NAP1L1: variants seen among roughly 807,000 people sequenced by gnomAD.
NAP1L1 encodes nucleosome assembly protein 1 like 1.
NAP1L1 carries 9 observed loss-of-function variants against 58.9 expected under a neutral mutation model. That is an observed-to-expected ratio of 0.15 (90% CI 0.09 to 0.27). NAP1L1 has a LOEUF of 0.27. NAP1L1 is among the 10% of genes least tolerant of loss of function. The probability of loss-of-function intolerance (pLI) is 1.00; values close to 1 mark genes in which losing one functional copy is unlikely to be tolerated. For synonymous variants in NAP1L1, 130 were observed against 138.3 expected (o/e 0.94, Z 0.42); for missense variants, 302 against 458.8 (o/e 0.66, Z 3.12).
chr12:76,060,019 G>A, intron 5 of NAP1L1, 119 bp downstream of exon 5: 1 of 1,222,486 alleles, frequency 8.2e-7, no homozygotes, highest in South Asian at 1.5e-5. Flanking sequence ...TCCTCCAAGT[G>A]CTGCCTCTAA....
intron 13 of NAP1L1, 74 bp from the exon 14 acceptor site, chr12:76,049,324 T>G: frequency 6.2e-7 from 1 of 1,608,332 alleles, no homozygotes; most frequent in South Asian, 1.1e-5. Context: ...TAGGGAAAAT[T>G]TAATACAAGT....
chr12:76,074,284 T>G, intron 1 of NAP1L1, 45 bp from the exon 2 acceptor site: 1 of 1,517,194 alleles, frequency 6.6e-7, no homozygotes, highest in Non-Finnish European at 8.8e-7. Flanking sequence ...ATATGATTTA[T>G]TAAAAAAAAA....
chr12:76,048,967 C>G, intron 14 of NAP1L1: 1 of 540,422 alleles, frequency 1.9e-6, no homozygotes, highest in Non-Finnish European at 3.3e-6. Context: ...GTTCACTGTA[C>G]CTGAAACTAT....
At position 76,042,367 on chromosome 12, in the gene NAP1L1, G is replaced by A. The variant is rs866065853; in HGVS notation, c.*6062C>T. On this transcript the variant is annotated 3_prime_UTR_variant, in exon 15 of 15. Transcript: ENST00000618691. ...CAATACAGATGAAAAGACTGATGCT[G>A]AACCAACAGGTGGTAGACAGACTCT... 1.3e-5 allele frequency: 2 copies of A among 152,298 alleles called. No individual in the cohort carries two copies. Among genetic ancestry groups the A allele is most frequent in the African/African-American group, 4.8e-5 (2 of 41,560 alleles). 9.4% of individuals were successfully genotyped at this position (152,298 alleles called of 1,614,324 possible). A position where few individuals can be genotyped will look rare whatever the true frequency, so the allele number is the denominator to read the frequency against.
At chr12:76,050,878 G>A (rs1024876826) in intron 11 of NAP1L1, among the ~76,000 whole-genome samples, 3 of 151,826 alleles carry the variant, frequency 2.0e-5, no homozygotes, top group African/African-American at 7.3e-5. Context: ...AATTAACTGG[G>A]CAGGGTGGCA....
At position 76,078,605 on chromosome 12, in the gene NAP1L1, C is replaced by A. The variant is rs144008277; in HGVS notation, c.-20-4366G>T. ...GAAAACACACTGTCTGCAAGGAAGT[C>A]ATCTATTAAAGGTGATATAACAAAA... On this transcript the variant is annotated intron_variant, in intron 1 of 14. Coordinates refer to ENST00000618691, the MANE Select transcript of NAP1L1 (RefSeq NM_004537.7). 4.1e-4 allele frequency among the ~76,000 whole-genome samples: 62 copies of A among 152,272 alleles called. 1 individual carries two copies. In the East Asian group the frequency reaches 9.1e-3, roughly 22 times the overall value.
chr12:76,079,684 A>ATTTTT (rs202002589), intron 1 of NAP1L1, among the ~76,000 whole-genome samples: 1 of 140,694 alleles, frequency 7.1e-6, no homozygotes, highest in African/African-American at 2.6e-5. Flanking sequence ...GCTTGAAGGC[A>ATTTTT]TTTTTTTTTT....
rs556394135 is a variant in NAP1L1, at chr12:76,059,891, A to T, written c.349-13T>A. The T allele has an allele frequency of 8.9e-5, 106 of 1,189,880 alleles. No homozygotes were observed. Among genetic ancestry groups the T allele is most frequent in the Admixed American group, 5.4e-4 (21 of 38,626 alleles). 73.7% of individuals were successfully genotyped at this position (1,189,880 alleles called of 1,614,324 possible). ...TAATTTCAAATCGCTAAAATGATTT[A>T]AAAAAAAAAGGCTGTATAAAAACAC... On this transcript the variant is annotated splice_polypyrimidine_tract_variant and intron_variant, in intron 5 of 14. Coordinates refer to ENST00000618691, the MANE Select transcript of NAP1L1 (RefSeq NM_004537.7).
At chr12:76,083,724 C>A (rs890388157) in intron 1 of NAP1L1, 4 of 152,196 alleles carry the variant, frequency 2.6e-5, no homozygotes, top group South Asian at 2.1e-4. Context: ...AGTGGAGGCC[C>A]TTCCTTATCA....
At chr12:76,084,092 G>C (rs1001154119) in intron 1 of NAP1L1, 2 of 147,196 alleles carry the variant, frequency 1.4e-5, no homozygotes, top group African/African-American at 5.0e-5. Flanking sequence ...CGCAGCCTCC[G>C]CCGTTCTTTT....
chr12:76,082,840 T>C (rs777413222), intron 1 of NAP1L1, among the ~76,000 whole-genome samples: 11 of 152,198 alleles, frequency 7.2e-5, no homozygotes, highest in Non-Finnish European at 8.8e-5. Flanking sequence ...GGAGTATTAA[T>C]TTAAGCTGAC....
At chr12:76,064,989 A>C (rs1042673148) in intron 4 of NAP1L1, among the ~76,000 whole-genome samples, 4 of 152,104 alleles carry the variant, frequency 2.6e-5, no homozygotes, top group Non-Finnish European at 5.9e-5. Flanking sequence ...AAACCAGTTA[A>C]ATATTACCAC....
Position 76,049,552 on chromosome 12 carries a change from T to TA in NAP1L1, c.1089+203dup, listed in dbSNP as rs749877057. On this transcript the variant is annotated intron_variant, in intron 13 of 14. Transcript: ENST00000618691. ...TGCAGCAGAACAAAATTATTTGAAATAAAAAAATGTTGCTGAGTTTTGCAA... is the reference window on the plus strand; with the variant it reads ...TGCAGCAGAACAAAATTATTTGAAATAAAAAAAATGTTGCTGAGTTTTGCAA... 7.8e-6 allele frequency: 12 copies of TA among 1,533,510 alleles called. No homozygotes were observed. The South Asian group carries it at 9.6e-5, about 12-fold the overall frequency. The allele number at this position is 1,533,510 out of a possible 1,614,324, so 95.0% of individuals were successfully genotyped here.
chr12:76,048,602 T>C (rs1948683186), intron 14 of NAP1L1, 138 bp from the exon 15 acceptor site: 2 of 781,414 alleles, frequency 2.6e-6, no homozygotes, highest in South Asian at 3.8e-5. Context: ...TGGTAAATTA[T>C]TTATTTTATT....
intron 4 of NAP1L1, among the ~76,000 whole-genome samples, chr12:76,062,903 T>G (rs1949483881): frequency 6.6e-6 from 1 of 152,058 alleles, no homozygotes; most frequent in Admixed American, 6.5e-5. Context: ...TCTAAAGGTG[T>G]CCAGTGAGAA....
intron 1 of NAP1L1, among the ~76,000 whole-genome samples, chr12:76,079,949 CTG>C (rs1406469354): frequency 1.3e-5 from 2 of 152,182 alleles, no homozygotes; most frequent in Non-Finnish European, 2.9e-5. Context: ...TCACAAAGTG[CTG>C]TGATTGATTA....
intron 14 of NAP1L1, 64 bp from the exon 15 acceptor site, chr12:76,048,528 G>C: frequency 6.6e-7 from 1 of 1,516,328 alleles, no homozygotes; most frequent in Admixed American, 1.7e-5. Flanking sequence ...TTTCTCAATA[G>C]TAATTACTGC....
At position 76,043,476 on chromosome 12, in the gene NAP1L1, A is replaced by AG. The variant is rs1442547068; in HGVS notation, c.*4952dup. 4 of 82,178 alleles carry AG rather than the reference A, an allele frequency of 4.9e-5. No homozygotes were observed. Among genetic ancestry groups the AG allele is most frequent in the Admixed American group, 1.2e-4 (1 of 8,074 alleles). The allele number at this position is 82,178 out of a possible 1,614,324, so 5.1% of individuals were successfully genotyped here. ...GGCAAATGAAGTAAGACCCTGTCTC[A>AG]GAAAAAAAAAAAAAAAAAAAAATTT... On this transcript the variant is annotated 3_prime_UTR_variant, in exon 15 of 15. Transcript: ENST00000618691.
chr12:76,052,984 G>C (rs1210432453), intron 11 of NAP1L1, 107 bp downstream of exon 11: 1 of 1,004,030 alleles, frequency 1.0e-6, no homozygotes, highest in Non-Finnish European at 1.5e-6. Flanking sequence ...TGCATTGTAG[G>C]CCTCAGAACT....
Sources: allele counts gnomAD v4.1 joint callset (sites outside exome capture counted in the v4.1 genomes callset), GRCh38; gene constraint gnomAD v4.1.1; transcripts MANE v1.5; gene names NCBI Gene and HGNC (gene_info 2026-07-23, HGNC 2026-07-21).